The following PTPRM variants were observed in gnomAD, a reference collection of about 807,000 sequenced individuals.
PTPRM encodes receptor-type tyrosine-protein phosphatase mu.
PTPRM carries 47 observed loss-of-function variants against 186.7 expected under a neutral mutation model. That is an observed-to-expected ratio of 0.25 (90% CI 0.20 to 0.32). The LOEUF is 0.32. PTPRM is among the 10% of genes least tolerant of loss of function. The pLI is 1.00. For synonymous variants in PTPRM, 668 were observed against 674.9 expected, an observed-to-expected ratio of 0.99 and a Z score of 0.16; for missense variants, 1,494 against 1,865.0, an observed-to-expected ratio of 0.80 and a Z score of 3.66.
intron 1 of PTPRM, among the ~76,000 whole-genome samples, chr18:7,614,300 G>A (rs1278078103): frequency 2.0e-5 from 3 of 152,172 alleles, no homozygotes; most frequent in Admixed American, 6.5e-5. Context: ...ATATAGGGAA[G>A]GCTGTCTTTA....
chr18:7,621,431 G>A (rs1360593125), intron 1 of PTPRM, among the ~76,000 whole-genome samples: 1 of 151,944 alleles, frequency 6.6e-6, no homozygotes, highest in Non-Finnish European at 1.5e-5. Context: ...CCACAGAGTG[G>A]TGCATTGTTA....
At chr18:7,626,376 C>G (rs890161699) in intron 1 of PTPRM, among the ~76,000 whole-genome samples, 1 of 152,162 alleles carries the variant, frequency 6.6e-6, no homozygotes, top group Non-Finnish European at 1.5e-5. Flanking sequence ...CCCTGATGGA[C>G]AGAGTTTAGG....
At chr18:8,043,738 GAA>G (rs1367366715) in intron 7 of PTPRM, among the ~76,000 whole-genome samples, 1 of 152,108 alleles carries the variant, frequency 6.6e-6, no homozygotes, top group Non-Finnish European at 1.5e-5. Context: ...TTGAAGTGGG[GAA>G]AAGAGTCCAG....
At chr18:8,218,314 C>A (rs940013382) in intron 14 of PTPRM, among the ~76,000 whole-genome samples, 2 of 152,076 alleles carry the variant, frequency 1.3e-5, no homozygotes, top group Admixed American at 6.6e-5. Context: ...TGCAGATTAC[C>A]AACAACGTGA....
chr18:7,700,145 C>G (rs2039930336), intron 1 of PTPRM, among the ~76,000 whole-genome samples: 1 of 151,998 alleles, frequency 6.6e-6, no homozygotes. Context: ...TCTTGCCATG[C>G]CAACATGAAA....
chr18:8,373,104 G>T (rs1303801364), intron 24 of PTPRM, among the ~76,000 whole-genome samples: 2 of 152,166 alleles, frequency 1.3e-5, no homozygotes, highest in African/African-American at 2.4e-5. Context: ...AAATCAAAAT[G>T]ACACATTAGT....
At chr18:7,608,298 T>G (rs2037586425) in intron 1 of PTPRM, among the ~76,000 whole-genome samples, 4 of 152,208 alleles carry the variant, frequency 2.6e-5, no homozygotes. Context: ...TTCTGCACAC[T>G]CCTGACTTCA....
At chr18:8,128,441 C>A (rs994233523) in intron 13 of PTPRM, among the ~76,000 whole-genome samples, 1 of 152,092 alleles carries the variant, frequency 6.6e-6, no homozygotes, top group Non-Finnish European at 1.5e-5. Context: ...TCAAGGGCTG[C>A]TTGAGGATTC....
At chr18:7,912,592 A>T (rs1294361262) in intron 4 of PTPRM, among the ~76,000 whole-genome samples, 1 of 151,916 alleles carries the variant, frequency 6.6e-6, no homozygotes, top group Non-Finnish European at 1.5e-5. Flanking sequence ...GCTCACTGCA[A>T]GCTCCGCCTA....
At chr18:8,174,246 G>A (rs2093448960) in intron 14 of PTPRM, among the ~76,000 whole-genome samples, 1 of 152,130 alleles carries the variant, frequency 6.6e-6, no homozygotes, top group Non-Finnish European at 1.5e-5. Flanking sequence ...CTTTACAAAG[G>A]TGGTTTAGTT....
chr18:7,620,109 G>A (rs7230519), intron 1 of PTPRM, among the ~76,000 whole-genome samples: 7 of 152,126 alleles, frequency 4.6e-5, no homozygotes, highest in Non-Finnish European at 4.4e-5. Flanking sequence ...CCACTCAGGC[G>A]GTCCATGGGT....
chr18:8,164,918 A>G (rs2093296524), intron 14 of PTPRM, among the ~76,000 whole-genome samples: 1 of 152,052 alleles, frequency 6.6e-6, no homozygotes, highest in Non-Finnish European at 1.5e-5. Flanking sequence ...TAATCCCAGC[A>G]CTTTGGGAGG....
chr18:8,090,272 C>G (rs1380028383), intron 11 of PTPRM, among the ~76,000 whole-genome samples: 2 of 152,120 alleles, frequency 1.3e-5, no homozygotes, highest in Non-Finnish European at 2.9e-5. Flanking sequence ...ATGCTCTGAC[C>G]ATGGCCTTGG....
At chr18:7,960,472 T>TACACACACACAC (rs1489255842) in intron 7 of PTPRM, among the ~76,000 whole-genome samples, 2 of 108,642 alleles carry the variant, frequency 1.8e-5, no homozygotes, top group African/African-American at 8.2e-5. Flanking sequence ...TATATATATA[T>TACACACACACAC]ATATATATAC....
chr18:8,187,807 G>T (rs41369948), intron 14 of PTPRM, among the ~76,000 whole-genome samples: 5,623 of 152,238 alleles, frequency 0.037, 349 homozygotes, highest in African/African-American at 0.13. Context: ...CTTTGAGTTG[G>T]TTTCATGAGA....
At chr18:7,810,641 G>A (rs1224876288) in intron 2 of PTPRM, among the ~76,000 whole-genome samples, 1 of 151,980 alleles carries the variant, frequency 6.6e-6, no homozygotes, top group South Asian at 2.1e-4. Context: ...GGAGGGACAA[G>A]GATTTAAACA....
intron 2 of PTPRM, among the ~76,000 whole-genome samples, chr18:7,782,493 A>G (rs567680354): frequency 6.6e-6 from 1 of 152,330 alleles, no homozygotes; most frequent in South Asian, 2.1e-4. Flanking sequence ...TCAGTGCATT[A>G]TAAATGCATT....
At chr18:7,745,244 G>A (rs191802832) in intron 1 of PTPRM, among the ~76,000 whole-genome samples, 3 of 152,272 alleles carry the variant, frequency 2.0e-5, no homozygotes, top group African/African-American at 7.2e-5. Flanking sequence ...CTTTTGCTAA[G>A]AACAATCAGA....
intron 23 of PTPRM, among the ~76,000 whole-genome samples, chr18:8,360,099 G>A (rs907012684): frequency 6.6e-6 from 1 of 152,200 alleles, no homozygotes; most frequent in Non-Finnish European, 1.5e-5. Context: ...CCAGTAACTG[G>A]TTTTAGATAG....
Sources: gnomAD v4.1 joint callset for allele counts (sites outside exome capture counted in the v4.1 genomes callset) on GRCh38, gnomAD v4.1.1 for gene constraint, MANE v1.5 for transcripts, NCBI Gene and HGNC (gene_info 2026-07-23, HGNC 2026-07-21) for gene names.